Variants in DHX16 observed in about 807,000 individuals in gnomAD.
The protein encoded by DHX16 is pre-mRNA-splicing factor ATP-dependent RNA helicase DHX16.
A neutral mutation model predicts 131.2 loss-of-function variants in DHX16; 81 were observed. The ratio of observed to expected loss-of-function variants is 0.62; its 90% CI spans 0.52 to 0.74. DHX16 has a LOEUF of 0.74. Among genes scored for constraint, DHX16 ranks in the 30% least tolerant of loss-of-function variants. The probability of loss-of-function intolerance (pLI) is 0.00; values close to 1 mark genes in which losing one functional copy is unlikely to be tolerated. For missense variants in DHX16, 980 were observed against 1,363.1 expected (o/e 0.72, Z 4.43); for synonymous variants, 440 against 520.2 (o/e 0.85, Z 2.10).
Position 30,653,616 on chromosome 6 carries a change from T to TCTTGGCCTCCCGAAGTGCTAGGATCCTGC in DHX16, c.2998-247_2998-246insGCAGGATCCTAGCACTTCGGGAGGCCAAG, listed in dbSNP as rs1554159176. On this transcript the variant is annotated intron_variant, in intron 19 of 19. Coordinates refer to ENST00000376442, the MANE Select transcript of DHX16 (RefSeq NM_003587.5). Reference sequence around the variant, plus strand: ...GGTCTCACTATGTTGCCTGGGCTGATCTTGGCCTCCCAAAGTGCTGGGATG... The same window carrying TCTTGGCCTCCCGAAGTGCTAGGATCCTGC: ...GGTCTCACTATGTTGCCTGGGCTGATCTTGGCCTCCCGAAGTGCTAGGATCCTGCCTTGGCCTCCCAAAGTGCTGGGATG... 4.9e-3 allele frequency among the ~76,000 whole-genome samples: 744 copies of TCTTGGCCTCCCGAAGTGCTAGGATCCTGC among 150,376 alleles called. 5 individuals are homozygous for TCTTGGCCTCCCGAAGTGCTAGGATCCTGC. Among genetic ancestry groups the TCTTGGCCTCCCGAAGTGCTAGGATCCTGC allele is most frequent in the African/African-American group, 0.014 (569 of 40,854 alleles).
At chr6:30,672,324 CAA>C (rs575043757) in intron 1 of DHX16, among the ~76,000 whole-genome samples, 30 of 113,698 alleles carry the variant, frequency 2.6e-4, no homozygotes, top group Admixed American at 4.6e-4. Context: ...CTGTGTCTCT[CAA>C]AAAAAAAAAA....
chr6:30,671,148 TCA>T lies in DHX16; in HGVS notation c.332_333del (p.Val111GlufsTer2). 6 of 1,613,138 alleles carry T rather than the reference TCA, an allele frequency of 3.7e-6. No individual in the cohort carries two copies. The highest frequency in any genetic ancestry group is 2.2e-5 in the South Asian group (2 of 91,086). On this transcript the variant is annotated frameshift_variant, in exon 2 of 20. Transcript: ENST00000376442. LOFTEE classifies it high-confidence loss of function. ...EDSEESSEET[V>X]SRAGSSLQKK... ...TTCTGGAGGCTGCTTCCAGCCCTAC[TCA>T]CAGTCTCCTCACTGCTCTCTTCACT...
chr6:30,653,374 G>A lies in DHX16; in HGVS notation c.2998-4C>T, dbSNP rs1353506236. ...AACTGCTCTCAATCTCCAGTACCTA[G>A]GAGAGAGAAAAGATCAATGGAGTTC... On this transcript the variant is annotated splice_polypyrimidine_tract_variant and splice_region_variant and intron_variant, in intron 19 of 19. Transcript: ENST00000376442. 1.3e-6 allele frequency: 2 copies of A among 1,597,696 alleles called. No homozygotes were observed. Among genetic ancestry groups the A allele is most frequent in the African/African-American group, 2.7e-5 (2 of 73,748 alleles).
At position 30,665,754 on chromosome 6, in the gene DHX16, C is replaced by T. The variant is rs759441334; in HGVS notation, c.667-21G>A. 5.0e-6 allele frequency: 8 copies of T among 1,599,564 alleles called. No homozygotes were observed. Among genetic ancestry groups the T allele is most frequent in the Non-Finnish European group, 5.1e-6 (6 of 1,176,118 alleles). On this transcript the variant is annotated intron_variant, in intron 4 of 19. Transcript: ENST00000376442. This position sits in a 1 kb window ranked among gnomAD's most constrained non-coding sequence, Gnocchi z 4.8. ...GGGACCTGAGTTGGGAAAGGACAGT[C>T]GAATCCTCATCTTGCTGGAGGAGCA...
chr6:30,669,744 TAAAAAAAAAAAA>T (rs953317689), intron 4 of DHX16, among the ~76,000 whole-genome samples: 11 of 113,818 alleles, frequency 9.7e-5, no homozygotes, highest in South Asian at 5.8e-4. Context: ...AAAAAAGGTT[TAAAAAAAAAAAA>T]AAAAAAAAAA....
intron 4 of DHX16, among the ~76,000 whole-genome samples, chr6:30,667,542 G>A (rs1415598815): frequency 2.0e-5 from 3 of 147,360 alleles, no homozygotes; most frequent in African/African-American, 5.1e-5. Context: ...AGATCGCACC[G>A]TTGCACTCCA....
At chr6:30,660,677 G>C (rs956982991) in intron 9 of DHX16, 1 of 159,522 alleles carries the variant, frequency 6.3e-6, no homozygotes, top group African/African-American at 2.4e-5. Context: ...TCAGGAGTTC[G>C]AGACCAGTCT....
At chr6:30,663,086 A>G (rs1768676300) in intron 7 of DHX16, 65 bp from the exon 8 acceptor site, 9 of 1,291,406 alleles carry the variant, frequency 7.0e-6, no homozygotes, top group South Asian at 1.4e-5. Context: ...GACCAGGTAC[A>G]TTTCAGAGAA....
rs141736557 is a variant in DHX16, at chr6:30,654,287, G to T, written c.2997+419C>A. 7.9e-3 allele frequency among the ~76,000 whole-genome samples: 1,201 copies of T among 152,130 alleles called. 13 individuals carry two copies. The highest frequency in any genetic ancestry group is 0.026 in the African/African-American group (1,059 of 41,506). On this transcript the variant is annotated intron_variant, in intron 19 of 19. Transcript: ENST00000376442. ...CACCTGTTAGAAAGGATGTCTTTGG[G>T]CTGGGCATGGTGGCTCACACCTGTA...
Position 30,656,258 on chromosome 6 carries a change from C to A in DHX16, c.2438G>T (p.Arg813Leu). ...GTCCACCGGCAGCTCTGCCATCTTT[C>A]GACCAGACTAAGGAGAAGAGAGAGA... The part of the protein sequence containing the change: ...NHLGELTTSG[R>L]KMAELPVDPM... Residue 813 changes from arginine (R) to leucine (L), a missense_variant, in exon 16 of 20, where the codon CGA becomes CTA. Transcript: ENST00000376442. This position sits in a 1 kb window ranked among gnomAD's most constrained non-coding sequence, Gnocchi z 5.1. The A allele has an allele frequency of 6.2e-7, 1 of 1,613,776 alleles. No homozygotes were observed. The highest frequency in any genetic ancestry group is 8.5e-7 in the Non-Finnish European group (1 of 1,180,006).
chr6:30,665,766 T>G lies in DHX16; in HGVS notation c.667-33A>C. ...GGGAAAGGACAGTCGAATCCTCATC[T>G]TGCTGGAGGAGCAACCCCTTTCTCT... On this transcript the variant is annotated intron_variant, in intron 4 of 19. Coordinates refer to ENST00000376442, the MANE Select transcript of DHX16 (RefSeq NM_003587.5). The surrounding 1 kb of genome is among the most constrained non-coding windows in gnomAD (Gnocchi z 4.8). The G allele has an allele frequency of 6.3e-7, 1 of 1,591,674 alleles. No individual in the cohort carries two copies. The highest frequency in any genetic ancestry group is 8.5e-7 in the Non-Finnish European group (1 of 1,172,856).
Position 30,672,873 on chromosome 6 carries a change from A to G in DHX16, c.-32T>C. On this transcript the variant is annotated 5_prime_UTR_variant, in exon 1 of 20. Coordinates refer to ENST00000376442, the MANE Select transcript of DHX16 (RefSeq NM_003587.5). Reference sequence around the variant, plus strand: ...TCACGCTCCCTGCTCCCGGCCCTGAAGCGTCGGGCAGCCGCGCTCACTGCT... The same window carrying G: ...TCACGCTCCCTGCTCCCGGCCCTGAGGCGTCGGGCAGCCGCGCTCACTGCT... 6.2e-7 allele frequency: 1 copy of G among 1,609,302 alleles called. No homozygotes were observed. Among genetic ancestry groups the G allele is most frequent in the South Asian group, 1.1e-5 (1 of 90,654 alleles).
In DHX16 at chr6:30,657,096, A is replaced by AG; in HGVS notation, c.2008-5dup. On this transcript the variant is annotated splice_polypyrimidine_tract_variant and splice_region_variant and intron_variant, in intron 12 of 19. Coordinates refer to ENST00000376442, the MANE Select transcript of DHX16 (RefSeq NM_003587.5). The stretch of plus-strand genomic sequence containing the variant: ...CAATGTTCGTTGCCACAACCACCTG[A>AG]GTGATAGGATATGGGGTCACCCAGT... 1 of 1,611,694 alleles carries AG rather than the reference A, an allele frequency of 6.2e-7. No homozygotes were observed. Among genetic ancestry groups the AG allele is most frequent in the Admixed American group, 1.7e-5 (1 of 59,852 alleles).
In DHX16 at chr6:30,660,164, G is replaced by A. The variant is rs925082624; in HGVS notation, c.1623C>T (p.Arg541=). Residue 541 remains arginine (R), a synonymous_variant, in exon 10 of 20, where the codon CGC becomes CGT. Transcript: ENST00000376442. ...ILFGLIKDVA[R]FRPELKVLVA... ...CCAGGACCTTGAGCTCAGGTCGGAA[G>A]CGAGCAACATCCTTGATCAATCCAA... 1 of 1,595,254 alleles carries A rather than the reference G, an allele frequency of 6.3e-7. No homozygotes were observed. Among genetic ancestry groups the A allele is most frequent in the Non-Finnish European group, 8.5e-7 (1 of 1,170,812 alleles).
chr6:30,670,702 C>G lies in DHX16; in HGVS notation c.609+88G>C. The G allele has an allele frequency of 6.5e-7, 1 of 1,542,158 alleles. No individual in the cohort carries two copies. The highest frequency in any genetic ancestry group is 8.9e-7 in the Non-Finnish European group (1 of 1,128,196). ...TCACTAGAGACAGCCCCTTGTCTTC[C>G]CAGAGATCACTATCTCTGCACTCAC... is the stretch of plus-strand genomic sequence containing the variant. On this transcript the variant is annotated intron_variant, in intron 3 of 19. Coordinates refer to ENST00000376442, the MANE Select transcript of DHX16 (RefSeq NM_003587.5). The surrounding 1 kb of genome is among the most constrained non-coding windows in gnomAD (Gnocchi z 4.4).
At position 30,657,209 on chromosome 6, in the gene DHX16, A is replaced by T. The variant is rs111765101; in HGVS notation, c.2008-117T>A. 1.7e-5 allele frequency: 18 copies of T among 1,043,776 alleles called. 1 individual carries two copies. The African/African-American group carries it at 1.9e-4, about 11-fold the overall frequency. The allele number at this position is 1,043,776 out of a possible 1,614,324, so 64.7% of individuals were successfully genotyped here. ...TGCAGTAAGGGGCAGGAGCTGAGGG[A>T]ATTAGTAGTATCCAAGGTCAGGAGC... is the stretch of plus-strand genomic sequence containing the variant. On this transcript the variant is annotated intron_variant, in intron 12 of 19. Coordinates refer to ENST00000376442, the MANE Select transcript of DHX16 (RefSeq NM_003587.5).
chr6:30,663,514 G>A (rs1768715587), intron 7 of DHX16, among the ~76,000 whole-genome samples: 1 of 151,686 alleles, frequency 6.6e-6, no homozygotes, highest in African/African-American at 2.4e-5. Flanking sequence ...CTGAGGTTGG[G>A]AGTTCGAGAC....
Position 30,665,743 on chromosome 6 carries a change from G to A in DHX16, c.667-10C>T. 2 of 1,606,214 alleles carry A rather than the reference G, an allele frequency of 1.2e-6. No individual in the cohort carries two copies. The highest frequency in any genetic ancestry group is 1.7e-6 in the Non-Finnish European group (2 of 1,179,292). ...TCCGCAGCTCAGGGACCTGAGTTGG[G>A]AAAGGACAGTCGAATCCTCATCTTG... On this transcript the variant is annotated splice_polypyrimidine_tract_variant and intron_variant, in intron 4 of 19. Coordinates refer to ENST00000376442, the MANE Select transcript of DHX16 (RefSeq NM_003587.5). The surrounding 1 kb of genome is among the most constrained non-coding windows in gnomAD (Gnocchi z 4.8).
At chr6:30,672,324 CAAA>C (rs575043757) in intron 1 of DHX16, among the ~76,000 whole-genome samples, 2 of 113,786 alleles carry the variant, frequency 1.8e-5, no homozygotes. Context: ...CTGTGTCTCT[CAAA>C]AAAAAAAAAA....
Sources: gnomAD v4.1 joint callset for allele counts (sites outside exome capture counted in the v4.1 genomes callset) on GRCh38, gnomAD v4.1.1 for gene constraint, Gnocchi (gnomAD v3.1) non-coding constraint, MANE v1.5 for transcripts, NCBI Gene and HGNC (gene_info 2026-07-23, HGNC 2026-07-21) for gene names.